PKD1: variants seen among roughly 807,000 people sequenced by gnomAD.
The protein encoded by PKD1 is polycystin-1.
In PKD1, 81 loss-of-function variants were observed where a neutral mutation model predicts 361.7. The ratio of observed to expected loss-of-function variants is 0.22; its 90% CI spans 0.19 to 0.27. The LOEUF (loss-of-function observed/expected upper bound fraction) is 0.27, where lower values mean the gene tolerates loss of function less well. Ranked by LOEUF, PKD1 falls within the 10% of genes least tolerant of loss-of-function variation. The pLI, the probability that PKD1 is intolerant of heterozygous loss-of-function variation, is 1.00. For missense variants in PKD1, 6,399 were observed against 6,118.3 expected (o/e 1.05, Z -1.53); for synonymous variants, 3,615 against 2,818.3 (o/e 1.28, Z -8.95).
Position 2,088,784 on chromosome 16 carries a change from G to T in PKD1, c.*943C>A, listed in dbSNP as rs1004414028. The T allele has an allele frequency of 7.9e-6, 7 of 885,052 alleles. No individual in the cohort carries two copies. The African/African-American group carries it at 1.0e-4, about 13-fold the overall frequency. 54.8% of individuals were successfully genotyped at this position (885,052 alleles called of 1,614,324 possible). ...GGGGGGTGTCGAGGCTCTAGAAGCGGCCATGCCCACAGAAGTGGTACACAG... is the reference window on the plus strand; with the variant it reads ...GGGGGGTGTCGAGGCTCTAGAAGCGTCCATGCCCACAGAAGTGGTACACAG... On this transcript the variant is annotated 3_prime_UTR_variant, in exon 46 of 46. Transcript: ENST00000262304.
At chr16:2,111,930 C>G in intron 14 of PKD1, 59 bp from the exon 15 acceptor site, 1 of 1,583,574 alleles carries the variant, frequency 6.3e-7, no homozygotes, top group Non-Finnish European at 8.6e-7. Context: ...CCCACCCGCT[C>G]GGCAGAAGCC....
chr16:2,124,331 C>T (rs1307010680), intron 1 of PKD1, among the ~76,000 whole-genome samples: 1 of 152,218 alleles, frequency 6.6e-6, no homozygotes, highest in Non-Finnish European at 1.5e-5. Flanking sequence ...CCTGGAGCCT[C>T]GGCCCCTCAG....
Position 2,111,480 on chromosome 16 carries a change from C to T in PKD1, c.3687G>A (p.Val1229=). The change falls in exon 15 of 46, where the codon GTG becomes GTA. Residue 1229 remains valine (V), a synonymous_variant. Coordinates refer to ENST00000262304, the MANE Select transcript of PKD1 (RefSeq NM_001009944.3). ...MSLAVEQGAP[V]VVSAAVQTGD... is the part of the protein sequence containing the mutation. ...CCGTCTGCACCGCGGCGCTGACCAC[C>T]ACGGGGGCGCCCTGCTCCACGGCCA... 6.2e-7 allele frequency: 1 copy of T among 1,611,464 alleles called. No homozygotes were observed. Among genetic ancestry groups the T allele is most frequent in the Non-Finnish European group, 8.5e-7 (1 of 1,179,408 alleles).
Position 2,113,148 on chromosome 16 carries a change from C to T in PKD1, c.2985+13G>A. On this transcript the variant is annotated intron_variant, in intron 12 of 45. Transcript: ENST00000262304. The stretch of plus-strand genomic sequence containing the variant: ...CGCCCCATCCCCTCCCCTCCCCACC[C>T]CCGCCCACCTACTGAGAGCTTGAAG... 1.3e-6 allele frequency: 1 copy of T among 759,904 alleles called. No homozygotes were observed. Among genetic ancestry groups the T allele is most frequent in the South Asian group, 1.4e-5 (1 of 70,864 alleles). 47.1% of individuals were successfully genotyped at this position (759,904 alleles called of 1,614,324 possible).
In PKD1 at chr16:2,118,427, A is replaced by C. The variant is rs1555459201; in HGVS notation, c.565T>G (p.Ser189Ala). The C allele has an allele frequency of 5.7e-6, 7 of 1,228,540 alleles. No individual in the cohort carries two copies. In the African/African-American group the frequency reaches 9.0e-5, roughly 16 times the overall value. The allele number at this position is 1,228,540 out of a possible 1,614,324, so 76.1% of individuals were successfully genotyped here. The change falls in exon 5 of 46, where the codon TCA (serine) becomes GCA (alanine). Residue 189 changes from serine to alanine, a missense_variant. Transcript: ENST00000262304. This position sits in a 1 kb window ranked among gnomAD's most constrained non-coding sequence, Gnocchi z 6.0. ...EYVACLPDNS[S>A]GTVAAVSFSA... Reference sequence around the variant, plus strand: ...AAGGACACTGCTGCCACGGTGCCTGAGCTGTTGTCAGGGAGGCAGGCGACA... The same window carrying C: ...AAGGACACTGCTGCCACGGTGCCTGCGCTGTTGTCAGGGAGGCAGGCGACA...
chr16:2,102,772 G>A (rs2092149860), intron 24 of PKD1, 42 bp downstream of exon 24: 1 of 1,608,946 alleles, frequency 6.2e-7, no homozygotes, highest in Non-Finnish European at 8.5e-7. Flanking sequence ...GCTGACCCAT[G>A]ATGCCCTGCC....
rs531854741 is a variant in PKD1, at chr16:2,099,964, G to A, written c.9820C>T (p.Arg3274Cys). 39 of 1,562,778 alleles carry A rather than the reference G, an allele frequency of 2.5e-5. No homozygotes were observed. The East Asian group carries it at 2.6e-4, about 10-fold the overall frequency. Residue 3274 changes from arginine (R) to cysteine (C), a missense_variant, in exon 29 of 46, where the codon CGT becomes TGT. Transcript: ENST00000262304. The stretch of plus-strand genomic sequence containing the variant: ...GTGGCCCTCTGGATGCGAGTGAAAC[G>A]GCTACGAGGCGGCCGGTCCCATATG... ...LSIWDRPPRS[R>C]FTRIQRATCC...
chr16:2,097,045 G>A (rs1272461252), intron 34 of PKD1, 103 bp downstream of exon 34: 5 of 758,662 alleles, frequency 6.6e-6, no homozygotes, highest in Non-Finnish European at 9.0e-6. Flanking sequence ...GCCCTGCCCT[G>A]GCACCCCACC....
intron 26 of PKD1, among the ~76,000 whole-genome samples, chr16:2,101,040 C>A (rs1195498245): frequency 6.6e-6 from 1 of 151,936 alleles, no homozygotes; most frequent in East Asian, 1.9e-4. Context: ...GGCTGGAGTG[C>A]AGTGGCGCAA....
chr16:2,099,345 C>A, intron 30 of PKD1: 1 of 425,692 alleles, frequency 2.3e-6, no homozygotes, highest in Non-Finnish European at 4.4e-6. Context: ...GAGTGCATTT[C>A]GGAAGCGTGC....
chr16:2,107,968 C>T lies in PKD1; in HGVS notation c.6980G>A (p.Arg2327Gln), dbSNP rs751669243. The T allele has an allele frequency of 1.0e-5, 16 of 1,548,516 alleles. No individual in the cohort carries two copies. Among genetic ancestry groups the T allele is most frequent in the African/African-American group, 2.7e-5 (2 of 73,180 alleles). Residue 2327 changes from arginine (R) to glutamine (Q), a missense_variant, in exon 16 of 46, where the codon CGG becomes CAG. Physicochemically the swap from Arg to Gln is conservative, Grantham distance 43. Coordinates refer to ENST00000262304, the MANE Select transcript of PKD1 (RefSeq NM_001009944.3). ...PRGSSTVTIPRERLAAGVEYT... is the reference protein window; with the variant it reads ...PRGSSTVTIPQERLAAGVEYT... ...CTCCACGCCAGCCGCCAGCCGCTCC[C>T]GTGGAATGGTGACCGTGCTGCTCCC...
chr16:2,089,616 G>C lies in PKD1; in HGVS notation c.*111C>G. On this transcript the variant is annotated 3_prime_UTR_variant, in exon 46 of 46. Transcript: ENST00000262304. ...GACAGATGCCCCTGCCTGCTCTCTG[G>C]GGAACCTACGTGCAGCCATTCTGCC... 1 of 1,341,452 alleles carries C rather than the reference G, an allele frequency of 7.5e-7. No homozygotes were observed. Among genetic ancestry groups the C allele is most frequent in the Non-Finnish European group, 1.0e-6 (1 of 969,764 alleles). The allele number at this position is 1,341,452 out of a possible 1,614,324, so 83.1% of individuals were successfully genotyped here.
rs1222652018 is a variant in PKD1 at position 2,088,891 on chromosome 16, AC to A, written c.*835del. 1,865 of 446,960 alleles carry A rather than the reference AC, an allele frequency of 4.2e-3. 29 individuals are homozygous for A. The highest frequency in any genetic ancestry group is 0.035 in the African/African-American group (1,550 of 44,420). 27.7% of individuals were successfully genotyped at this position (446,960 alleles called of 1,614,324 possible). On this transcript the variant is annotated 3_prime_UTR_variant, in exon 46 of 46. Coordinates refer to ENST00000262304, the MANE Select transcript of PKD1 (RefSeq NM_001009944.3). ...CGCGCGTGCGCGCGCGCACACACAC[AC>A]ACACACAGTCACCTTCCTCCACCCT...
chr16:2,099,678 G>C lies in PKD1; in HGVS notation c.10016C>G (p.Ala3339Gly), dbSNP rs2092007148. The change falls in exon 30 of 46, where the codon GCC becomes GGC. Residue 3339 changes from alanine to glycine, a missense_variant. Transcript: ENST00000262304. ...GGACATCCGGAAGAGAAAAAGGATG[G>C]CCAGGTAGACGGGATAGACAACCAC... Reference protein sequence around the residue: ...SSVVVYPVYLAILFLFRMSRS... With the variant: ...SSVVVYPVYLGILFLFRMSRS... 1 of 1,594,394 alleles carries C rather than the reference G, an allele frequency of 6.3e-7. No homozygotes were observed. The highest frequency in any genetic ancestry group is 1.1e-5 in the South Asian group (1 of 90,334).
chr16:2,114,484 G>C lies in PKD1; in HGVS notation c.2539C>G (p.Leu847Val). The C allele has an allele frequency of 6.3e-7, 1 of 1,596,784 alleles. No homozygotes were observed. Among genetic ancestry groups the C allele is most frequent in the Non-Finnish European group, 8.5e-7 (1 of 1,179,454 alleles). ...YVPTNGSALV[L>V]QVDSGANATA... Reference sequence around the variant, plus strand: ...GCGTTGGCACCAGAGTCCACCTGGAGCACCAAGGCTGAGCCGTTGGTGGGC... The same window carrying C: ...GCGTTGGCACCAGAGTCCACCTGGACCACCAAGGCTGAGCCGTTGGTGGGC... Residue 847 changes from leucine to valine, a missense_variant, in exon 11 of 46, where the codon CTC becomes GTC. Coordinates refer to ENST00000262304, the MANE Select transcript of PKD1 (RefSeq NM_001009944.3).
At chr16:2,132,125 C>T (rs1596627742) in intron 1 of PKD1, among the ~76,000 whole-genome samples, 1 of 151,932 alleles carries the variant, frequency 6.6e-6, no homozygotes, top group African/African-American at 2.4e-5. Flanking sequence ...TGGCACATGC[C>T]TGTAATCCCA....
rs1290262392 is a variant in PKD1, at chr16:2,089,660, G to A, written c.*67C>T. ...TTCTGCCTGGCCCTCGGCCTTGACA[G>A]CGGCAGAAAGTAATACTGAGCGGTG... is the stretch of plus-strand genomic sequence containing the variant. On this transcript the variant is annotated 3_prime_UTR_variant, in exon 46 of 46. Coordinates refer to ENST00000262304, the MANE Select transcript of PKD1 (RefSeq NM_001009944.3). 24 of 1,531,040 alleles carry A rather than the reference G, an allele frequency of 1.6e-5. No individual in the cohort carries two copies. Among genetic ancestry groups the A allele is most frequent in the South Asian group, 3.6e-5 (3 of 83,488 alleles). 94.8% of individuals were successfully genotyped at this position (1,531,040 alleles called of 1,614,324 possible).
At position 2,092,976 on chromosome 16, in the gene PKD1, G is replaced by A. The variant is rs200044889; in HGVS notation, c.11134C>T (p.Arg3712Trp). The A allele has an allele frequency of 8.7e-6, 14 of 1,612,872 alleles. No individual in the cohort carries two copies. Among genetic ancestry groups the A allele is most frequent in the African/African-American group, 6.7e-5 (5 of 74,936 alleles). ...QSAIKQELHS[R>W]AFLAITRSEE... is the part of the protein sequence containing the mutation. ...TACCGCGTGATGGCCAGGAAGGCCC[G>A]GCTGTGCAGCTCCTGCTTGATGGCG... The change falls in exon 38 of 46, where the codon CGG becomes TGG. Residue 3712 changes from arginine to tryptophan, a missense_variant. By Grantham distance (101) the Arg-to-Trp change is moderately radical. Coordinates refer to ENST00000262304, the MANE Select transcript of PKD1 (RefSeq NM_001009944.3).
intron 1 of PKD1, 194 bp downstream of exon 1, chr16:2,135,281 G>A (rs953498452): frequency 7.3e-5 from 72 of 985,216 alleles, no homozygotes; most frequent in Non-Finnish European, 8.2e-5. Flanking sequence ...CCAGACCCGG[G>A]GTTTTTCGGC....
Sources: gnomAD v4.1 joint callset for allele counts (sites outside exome capture counted in the v4.1 genomes callset) on GRCh38, gnomAD v4.1.1 for gene constraint, Gnocchi (gnomAD v3.1) non-coding constraint, MANE v1.5 for transcripts, NCBI Gene and HGNC (gene_info 2026-07-23, HGNC 2026-07-21) for gene names.